The following XPA variants were observed in gnomAD, a reference collection of about 807,000 sequenced individuals.
XPA encodes XPA, DNA damage recognition and repair factor, also known as DNA repair protein complementing XP-A cells.
A neutral mutation model predicts 35.7 loss-of-function variants in XPA; 27 were observed. The ratio of observed to expected loss-of-function variants is 0.76; its 90% CI spans 0.56 to 1.04. The LOEUF (loss-of-function observed/expected upper bound fraction) is 1.04. Among genes scored for constraint, XPA ranks in the 50% least tolerant of loss-of-function variants. The pLI, the probability that XPA is intolerant of heterozygous loss-of-function variation, is 0.00. For missense variants in XPA, 354 were observed against 342.7 expected, an observed-to-expected ratio of 1.03 and a Z score of -0.26; for synonymous variants, 133 against 118.4, an observed-to-expected ratio of 1.12 and a Z score of -0.80.
the XPA span, among the ~76,000 whole-genome samples, chr9:97,666,352 A>C: frequency 6.6e-6 from 1 of 152,220 alleles, no homozygotes; most frequent in African/African-American, 2.4e-5. Context: ...AATAATATAA[A>C]GCATGGGAAA....
At chr9:97,686,193 C>T (rs1828711721) in intron 4 of XPA, among the ~76,000 whole-genome samples, 1 of 152,126 alleles carries the variant, frequency 6.6e-6, no homozygotes, top group Non-Finnish European at 1.5e-5. Flanking sequence ...AAACTGTGCT[C>T]TAAAGCAATG....
chr9:97,665,916 TAA>T, the XPA span, among the ~76,000 whole-genome samples: 8 of 152,160 alleles, frequency 5.3e-5, no homozygotes, highest in Non-Finnish European at 7.3e-5. Context: ...CAATAAATCA[TAA>T]GAGAGGAAAC....
chr9:97,655,957 G>T, the XPA span: 1 of 1,497,984 alleles, frequency 6.7e-7, no homozygotes, highest in South Asian at 1.1e-5. Context: ...TAGTACAAAT[G>T]GGTGTAAGTG....
intron 5 of XPA, among the ~76,000 whole-genome samples, chr9:97,678,822 C>G (rs1380826123): frequency 6.6e-6 from 1 of 152,114 alleles, no homozygotes; most frequent in Non-Finnish European, 1.5e-5. Context: ...ACTTACTGTC[C>G]CTAGCCTGAA....
At chr9:97,679,365 T>A (rs1828468560) in intron 5 of XPA, among the ~76,000 whole-genome samples, 1 of 151,698 alleles carries the variant, frequency 6.6e-6, no homozygotes, top group South Asian at 2.1e-4. Flanking sequence ...TTTGTATTAT[T>A]ATCCTTGCAA....
chr9:97,669,707 G>A, the XPA span: 1 of 1,551,946 alleles, frequency 6.4e-7, no homozygotes, highest in Non-Finnish European at 8.9e-7. Context: ...CTTCCTACAG[G>A]TATGTGGGGA....
chr9:97,664,713 G>A, the XPA span, among the ~76,000 whole-genome samples: 82 of 152,266 alleles, frequency 5.4e-4, no homozygotes, highest in South Asian at 2.9e-3. Context: ...CAGACTGTTG[G>A]GAGAGAAAAC....
At chr9:97,655,809 C>G in the XPA span, 2 of 1,528,986 alleles carry the variant, frequency 1.3e-6, no homozygotes, top group Middle Eastern at 1.7e-4. Context: ...CAAAAAACTA[C>G]TAATGTTTAA....
intron 5 of XPA, among the ~76,000 whole-genome samples, chr9:97,684,451 A>G (rs3176694): frequency 0.12 from 18,107 of 152,224 alleles, 3,019 homozygotes; most frequent in African/African-American, 0.37. Flanking sequence ...AACTATCTAC[A>G]TAACAAGTCA....
intron 3 of XPA, among the ~76,000 whole-genome samples, chr9:97,689,035 G>A (rs926003243): frequency 6.6e-5 from 10 of 151,788 alleles, no homozygotes; most frequent in Non-Finnish European, 7.4e-5. Context: ...ATAAAGTCTA[G>A]AAGAAGAAAA....
chr9:97,687,230 T>C lies in XPA; in HGVS notation c.421A>G (p.Lys141Glu). The change falls in exon 4 of 6, where the codon AAA becomes GAA. Residue 141 changes from lysine to glutamate, a missense_variant. Coordinates refer to ENST00000375128, the MANE Select transcript of XPA (RefSeq NM_000380.4). The part of the protein sequence containing the change: ...DADDKHKLIT[K>E]TEAKQEYLLK... ...AGATATTCTTGTTTTGCCTCTGTTT[T>C]GGTTATAAGCTTGTGTTTATCATCA... 6.2e-7 allele frequency: 1 copy of C among 1,609,846 alleles called. No individual in the cohort carries two copies. The highest frequency in any genetic ancestry group is 8.5e-7 in the Non-Finnish European group (1 of 1,178,250).
intron 2 of XPA, among the ~76,000 whole-genome samples, chr9:97,693,172 T>C (rs777188978): frequency 5.3e-5 from 8 of 152,154 alleles, no homozygotes; most frequent in Non-Finnish European, 7.4e-5. Context: ...TGTGAAGATA[T>C]GTGTACATAT....
Position 97,675,008 on chromosome 9 carries a change from A to G in XPA, c.*431T>C. 1 of 527,258 alleles carries G rather than the reference A, an allele frequency of 1.9e-6. No individual in the cohort carries two copies. Among genetic ancestry groups the G allele is most frequent in the Non-Finnish European group, 3.7e-6 (1 of 272,004 alleles). 32.7% of individuals were successfully genotyped at this position (527,258 alleles called of 1,614,324 possible). On this transcript the variant is annotated 3_prime_UTR_variant, in exon 6 of 6. Coordinates refer to ENST00000375128, the MANE Select transcript of XPA (RefSeq NM_000380.4). ...ATCGTGGAGACAGAAATCGTCCTAA[A>G]AAACACATGACTAGAACCTGGGGTA... is the stretch of plus-strand genomic sequence containing the variant.
At chr9:97,662,885 G>C in the XPA span, 60 of 1,158,984 alleles carry the variant, frequency 5.2e-5, no homozygotes, top group Non-Finnish European at 7.5e-5. Flanking sequence ...ACATTGAAAA[G>C]GCTTTGAAAA....
At chr9:97,665,812 T>C in the XPA span, among the ~76,000 whole-genome samples, 1 of 114,696 alleles carries the variant, frequency 8.7e-6, no homozygotes, top group African/African-American at 3.4e-5. Flanking sequence ...GCATGGAAAA[T>C]TTAACTAGTA....
the XPA span, among the ~76,000 whole-genome samples, chr9:97,665,748 T>C: frequency 1.3e-5 from 2 of 151,286 alleles, no homozygotes; most frequent in African/African-American, 4.9e-5. Context: ...GACACCGACT[T>C]CGCCCCACCC....
intron 5 of XPA, among the ~76,000 whole-genome samples, chr9:97,684,404 G>A (rs1018554213): frequency 2.6e-5 from 4 of 152,182 alleles, no homozygotes; most frequent in Admixed American, 2.0e-4. Flanking sequence ...GAGACTTTCA[G>A]TCAAAAAACC....
At chr9:97,695,402 T>C (rs1322594933) in intron 1 of XPA, among the ~76,000 whole-genome samples, 1 of 152,226 alleles carries the variant, frequency 6.6e-6, no homozygotes, top group Admixed American at 6.5e-5. Context: ...TGCCTTTACT[T>C]GTATACTTCT....
the XPA span, among the ~76,000 whole-genome samples, chr9:97,657,926 A>ATATTT: frequency 1.1e-5 from 1 of 91,420 alleles, no homozygotes; most frequent in Non-Finnish European, 2.2e-5. Flanking sequence ...ATATATATAT[A>ATATTT]TTTTTTTTTT....
Sources: allele counts gnomAD v4.1 joint callset (sites outside exome capture counted in the v4.1 genomes callset), GRCh38; gene constraint gnomAD v4.1.1; transcripts MANE v1.5; gene names NCBI Gene and HGNC (gene_info 2026-07-23, HGNC 2026-07-21).